The following KYAT3 variants were observed in gnomAD, a reference collection of about 807,000 sequenced individuals.
KYAT3 encodes the protein kynurenine--oxoglutarate transaminase 3.
Under a neutral mutation model 59.0 loss-of-function variants are expected in KYAT3, and 50 were observed. The ratio of observed to expected loss-of-function variants is 0.85; its 90% CI spans 0.68 to 1.07. The LOEUF (loss-of-function observed/expected upper bound fraction) is 1.07, where lower values mean the gene tolerates loss of function less well. KYAT3 is among the 50% of genes least tolerant of loss of function. The pLI is 0.00. For missense variants in KYAT3, 497 were observed against 533.3 expected (o/e 0.93, Z 0.67); for synonymous variants, 148 against 177.0 (o/e 0.84, Z 1.30).
chr1:88,931,983 G>C (rs1198549279), downstream of KYAT3, among the ~76,000 whole-genome samples: 1 of 141,316 alleles, frequency 7.1e-6, no homozygotes, highest in Admixed American at 7.4e-5. Flanking sequence ...TCTGTCTCTT[G>C]AATCACCCAG....
downstream of KYAT3, among the ~76,000 whole-genome samples, chr1:88,934,383 G>A (rs1485012211): frequency 1.3e-5 from 2 of 152,162 alleles, no homozygotes; most frequent in Non-Finnish European, 2.9e-5. Flanking sequence ...GAACCTGGGG[G>A]GCAGAGGTTG....
At chr1:88,951,525 G>A (rs773801496) in intron 10 of KYAT3, among the ~76,000 whole-genome samples, 57 of 151,988 alleles carry the variant, frequency 3.8e-4, no homozygotes, top group Non-Finnish European at 7.5e-4. Flanking sequence ...GTGAGCCATT[G>A]TGCCTGGTTC....
At chr1:88,982,355 G>T in intron 2 of KYAT3, 1 of 738,540 alleles carries the variant, frequency 1.4e-6, no homozygotes, top group Non-Finnish European at 1.8e-6. Context: ...GGAAAAACCA[G>T]ATAGGAAGTG....
intron 1 of KYAT3, among the ~76,000 whole-genome samples, chr1:88,991,793 C>CTAA (rs1392878552): frequency 2.6e-5 from 4 of 152,238 alleles, no homozygotes; most frequent in African/African-American, 9.6e-5. Context: ...GTCAGACTTG[C>CTAA]TAAGGGCTGA....
the KYAT3 span, among the ~76,000 whole-genome samples, chr1:88,930,674 A>G: frequency 2.6e-5 from 4 of 152,198 alleles, no homozygotes; most frequent in Non-Finnish European, 5.9e-5. Context: ...AAAAAGGTAA[A>G]TATATATACA....
intron 11 of KYAT3, 43 bp downstream of exon 11, chr1:88,949,048 C>T (rs201964205): frequency 1.4e-6 from 2 of 1,401,206 alleles, no homozygotes; most frequent in Middle Eastern, 1.9e-4. Flanking sequence ...TAATTTCACA[C>T]ATAAGTTTCC....
At chr1:88,962,988 C>CTCT (rs1676205241) in intron 5 of KYAT3, among the ~76,000 whole-genome samples, 1 of 144,690 alleles carries the variant, frequency 6.9e-6, no homozygotes, top group African/African-American at 2.5e-5. Flanking sequence ...TCCTCTCTCT[C>CTCT]TTTTTTTTTT....
At chr1:88,984,854 T>C (rs1177845785) in intron 2 of KYAT3, among the ~76,000 whole-genome samples, 1 of 151,932 alleles carries the variant, frequency 6.6e-6, no homozygotes, top group Non-Finnish European at 1.5e-5. Flanking sequence ...GAAAAAACAG[T>C]TTTGCCTTCA....
intron 11 of KYAT3, 142 bp downstream of exon 11, chr1:88,948,949 A>G: frequency 1.7e-6 from 1 of 594,872 alleles, no homozygotes; most frequent in Middle Eastern, 3.3e-4. Flanking sequence ...ATAATTATAG[A>G]AAATGTAGAC....
rs1319462506 is a variant in KYAT3, at chr1:88,949,133, G to A, written c.1099C>T (p.Pro367Ser). 6.2e-7 allele frequency: 1 copy of A among 1,606,222 alleles called. No individual in the cohort carries two copies. ...LESVGLKPIV[P>S]DGGYFIIADV... ...GCGATGATGAAGTATCCTCCATCAG[G>A]AACTATGGGTTTTAGGCCAACACTT... Residue 367 changes from proline (P) to serine (S), a missense_variant, in exon 11 of 14, where the codon CCT (proline) becomes TCT (serine). Around this residue, in one of 2 missense-constraint regions of KYAT3, gnomAD observed 469 missense variants for 479.1 expected, o/e 0.98. Transcript: ENST00000260508.
intron 13 of KYAT3, among the ~76,000 whole-genome samples, chr1:88,940,789 G>GT (rs1297312909): frequency 6.6e-6 from 1 of 152,166 alleles, no homozygotes; most frequent in Admixed American, 6.5e-5. Flanking sequence ...TGACATGACT[G>GT]TATGTTTTTG....
intron 11 of KYAT3, among the ~76,000 whole-genome samples, chr1:88,946,028 G>T (rs541102618): frequency 2.0e-5 from 3 of 152,266 alleles, no homozygotes; most frequent in South Asian, 4.1e-4. Flanking sequence ...ACTGAGGAAA[G>T]AAATGGAAAC....
intron 2 of KYAT3, among the ~76,000 whole-genome samples, chr1:88,975,558 A>C (rs1214511783): frequency 1.3e-5 from 2 of 152,252 alleles, no homozygotes; most frequent in African/African-American, 4.8e-5. Flanking sequence ...TAACAAAACT[A>C]ATTATCACAA....
intron 2 of KYAT3, among the ~76,000 whole-genome samples, chr1:88,975,578 T>C (rs1201907843): frequency 1.3e-5 from 2 of 152,252 alleles, no homozygotes; most frequent in African/African-American, 4.8e-5. Context: ...AGAAGGATAA[T>C]ATCCTCAATA....
Position 88,962,100 on chromosome 1 carries a change from T to A in KYAT3, c.499A>T (p.Arg167Ter). 3 of 1,614,106 alleles carry A rather than the reference T, an allele frequency of 1.9e-6. No homozygotes were observed. Among genetic ancestry groups the A allele is most frequent in the Middle Eastern group, 1.6e-4 (1 of 6,062 alleles). ...PFYDCYEPMVRMAGATPVFIP... is the reference protein window; with the variant it reads ...PFYDCYEPMV ...AAAACAGGTGTTGCTCCAGCCATTCTCACCATGGGCTCATAGCAGTCATAG... is the reference window on the plus strand; with the variant it reads ...AAAACAGGTGTTGCTCCAGCCATTCACACCATGGGCTCATAGCAGTCATAG... Residue 167 changes from arginine to a stop codon, truncating the protein, a stop_gained, in exon 6 of 14, where the codon AGA becomes TGA. Transcript: ENST00000260508. LOFTEE classifies it high-confidence loss of function.
At chr1:88,934,587 A>G (rs529348854), downstream of KYAT3, among the ~76,000 whole-genome samples, 1 of 152,318 alleles carries the variant, frequency 6.6e-6, no homozygotes, top group South Asian at 2.1e-4. Flanking sequence ...TGTGCAATGT[A>G]CAGCCCAGGT....
chr1:88,933,718 A>G (rs1332366708), downstream of KYAT3, among the ~76,000 whole-genome samples: 1 of 152,210 alleles, frequency 6.6e-6, no homozygotes, highest in Admixed American at 6.5e-5. Flanking sequence ...GCATTAGACA[A>G]GTCCAGGGCT....
At chr1:88,933,206 C>T (rs1557675755), downstream of KYAT3, among the ~76,000 whole-genome samples, 1 of 152,148 alleles carries the variant, frequency 6.6e-6, no homozygotes, top group Non-Finnish European at 1.5e-5. Context: ...AATTTACATA[C>T]AATATATTTT....
chr1:88,983,906 C>G lies in KYAT3; in HGVS notation c.99+4346G>C, dbSNP rs941274586. Reference sequence around the variant, plus strand: ...CTCGCCGACAGGGGCTTCCTAGCAGCTCAGCACCAGTGGCGGCTGTCAGTT... The same window carrying G: ...CTCGCCGACAGGGGCTTCCTAGCAGGTCAGCACCAGTGGCGGCTGTCAGTT... On this transcript the variant is annotated intron_variant, in intron 2 of 13. Transcript: ENST00000260508. 1.9e-6 allele frequency: 3 copies of G among 1,559,066 alleles called. No homozygotes were observed. In the African/African-American group the frequency reaches 4.1e-5, roughly 21 times the overall value.
Sources: allele counts gnomAD v4.1 joint callset (sites outside exome capture counted in the v4.1 genomes callset), GRCh38; gene constraint gnomAD v4.1.1; regional missense constraint gnomAD v4.1.1; transcripts MANE v1.5; gene names NCBI Gene and HGNC (gene_info 2026-07-23, HGNC 2026-07-21).